Variants in FTCDNL1 observed in about 807,000 individuals in gnomAD.
FTCDNL1 encodes formiminotransferase N-terminal subdomain-containing protein.
A neutral mutation model predicts 5.9 loss-of-function variants in FTCDNL1; 11 were observed. The observed-to-expected ratio is 1.87, with a 90% CI of 1.18 to 3.10. FTCDNL1 has a LOEUF of 3.10. FTCDNL1 is among the 30% of genes most tolerant of loss of function. The pLI is 0.00. For synonymous variants in FTCDNL1, 58 were observed against 24.8 expected, an observed-to-expected ratio of 2.34 and a Z score of -3.99; for missense variants, 115 against 65.5, an observed-to-expected ratio of 1.76 and a Z score of -2.61.
At chr2:199,713,572 T>G in the FTCDNL1 span, among the ~76,000 whole-genome samples, 1 of 152,222 alleles carries the variant, frequency 6.6e-6, no homozygotes, top group African/African-American at 2.4e-5. Flanking sequence ...CTTGTTTGTG[T>G]ATTTTAAAGT....
At chr2:199,721,793 T>C in the FTCDNL1 span, among the ~76,000 whole-genome samples, 2 of 152,200 alleles carry the variant, frequency 1.3e-5, no homozygotes, top group African/African-American at 4.8e-5. Context: ...ATCTGTTGTT[T>C]CTTGACTATT....
At chr2:199,687,232 A>G in the FTCDNL1 span, among the ~76,000 whole-genome samples, 1 of 152,198 alleles carries the variant, frequency 6.6e-6, no homozygotes, top group Non-Finnish European at 1.5e-5. Flanking sequence ...ACTGTTCTTA[A>G]TTTTGATCAG....
At chr2:199,667,569 G>A in the FTCDNL1 span, among the ~76,000 whole-genome samples, 7 of 152,176 alleles carry the variant, frequency 4.6e-5, no homozygotes, top group Admixed American at 1.3e-4. Flanking sequence ...CTGGGAGGTC[G>A]AGGCTTCAGT....
At chr2:199,707,544 A>T in the FTCDNL1 span, among the ~76,000 whole-genome samples, 1 of 151,258 alleles carries the variant, frequency 6.6e-6, no homozygotes, top group Admixed American at 6.6e-5. Flanking sequence ...CCTTATATTG[A>T]TAATTTGGTT....
chr2:199,779,374 C>G (rs1299958488), intron 3 of FTCDNL1, among the ~76,000 whole-genome samples: 1 of 152,196 alleles, frequency 6.6e-6, no homozygotes, highest in African/African-American at 2.4e-5. Flanking sequence ...ACAATTATTT[C>G]ATACAGAAGA....
exon 4 of FTCDNL1, chr2:199,760,672 T>C: frequency 1.6e-6 from 1 of 606,244 alleles, no homozygotes. Flanking sequence ...ATTCTGGGTA[T>C]GGTATAATTT....
the FTCDNL1 span, among the ~76,000 whole-genome samples, chr2:199,702,316 C>T: frequency 1.3e-5 from 2 of 152,064 alleles, no homozygotes; most frequent in African/African-American, 4.8e-5. Context: ...AATAATATTT[C>T]CACCAAAGTC....
intron 4 of FTCDNL1, among the ~76,000 whole-genome samples, chr2:199,813,912 C>CAAAAAAAAA (rs397987315): frequency 4.7e-5 from 5 of 106,384 alleles, no homozygotes; most frequent in African/African-American, 7.5e-5. Context: ...GACTCTGTCT[C>CAAAAAAAAA]AAAAAAAAAA....
chr2:199,821,631 A>G (rs984240665), intron 3 of FTCDNL1, among the ~76,000 whole-genome samples: 2 of 147,590 alleles, frequency 1.4e-5, no homozygotes, highest in Non-Finnish European at 3.0e-5. Context: ...CACCTGGTTA[A>G]TTTTTGTATT....
intron 3 of FTCDNL1, among the ~76,000 whole-genome samples, chr2:199,765,666 C>T (rs11692783): frequency 0.41 from 61,041 of 148,576 alleles, 15,053 homozygotes; most frequent in East Asian, 0.58. Context: ...CTCAACCTCC[C>T]GAGTAGCTGG....
rs1012426172 is a variant in FTCDNL1, at chr2:199,809,380, C to T, written c.*3325G>A. ...TGCTGGGATTACAGGAATGAGCCACCACACCCAGCCAAACTCTTTATTTTT... is the reference window on the plus strand; with the variant it reads ...TGCTGGGATTACAGGAATGAGCCACTACACCCAGCCAAACTCTTTATTTTT... On this transcript the variant is annotated 3_prime_UTR_variant, in exon 5 of 5. Transcript: ENST00000420128. 1.3e-5 allele frequency among the ~76,000 whole-genome samples: 2 copies of T among 151,902 alleles called. No individual in the cohort carries two copies. Among genetic ancestry groups the T allele is most frequent in the African/African-American group, 2.4e-5 (1 of 41,352 alleles).
At chr2:199,762,107 G>A (rs1185540165) in intron 3 of FTCDNL1, among the ~76,000 whole-genome samples, 2 of 152,194 alleles carry the variant, frequency 1.3e-5, no homozygotes, top group African/African-American at 4.8e-5. Context: ...ATGGCCGGGT[G>A]TGGTGGCTCA....
chr2:199,675,012 G>A, the FTCDNL1 span, among the ~76,000 whole-genome samples: 1 of 152,214 alleles, frequency 6.6e-6, no homozygotes, highest in South Asian at 2.1e-4. Flanking sequence ...CATTGCAGAA[G>A]AAAGTTGGTT....
At chr2:199,746,951 T>C in the FTCDNL1 span, among the ~76,000 whole-genome samples, 1 of 151,648 alleles carries the variant, frequency 6.6e-6, no homozygotes, top group East Asian at 1.9e-4. Flanking sequence ...AGATTCAGAG[T>C]GAGGTTCTCG....
At chr2:199,826,153 A>G (rs1241965248) in intron 3 of FTCDNL1, among the ~76,000 whole-genome samples, 1 of 152,184 alleles carries the variant, frequency 6.6e-6, no homozygotes, top group Non-Finnish European at 1.5e-5. Flanking sequence ...GCACTGCCTA[A>G]GTTTATATAG....
At chr2:199,764,685 C>T (rs1443059738) in intron 3 of FTCDNL1, among the ~76,000 whole-genome samples, 1 of 152,156 alleles carries the variant, frequency 6.6e-6, no homozygotes, top group African/African-American at 2.4e-5. Flanking sequence ...CCAGCGAAAT[C>T]GGAGGACTCT....
the FTCDNL1 span, among the ~76,000 whole-genome samples, chr2:199,679,600 C>A: frequency 3.3e-5 from 5 of 151,716 alleles, no homozygotes; most frequent in Admixed American, 3.3e-4. Context: ...GCTTTTATCT[C>A]CCATGGTGAT....
the FTCDNL1 span, among the ~76,000 whole-genome samples, chr2:199,713,315 T>A: frequency 1.3e-5 from 2 of 149,164 alleles, no homozygotes; most frequent in Admixed American, 1.3e-4. Flanking sequence ...AAATGAAACA[T>A]TTTTTTTTGA....
rs568144191 is a variant in FTCDNL1 at position 199,783,970 on chromosome 2, G to A, written c.212-23135C>T. Among the ~76,000 whole-genome samples, 19 of 152,278 alleles carry A rather than the reference G, an allele frequency of 1.2e-4. No individual in the cohort carries two copies. In the South Asian group the frequency reaches 3.7e-3, roughly 30 times the overall value. ...GGATTCAAGATTCAAGATGATAAGT[G>A]CATCATTCCACATGTCCCTATTTCA... On this transcript the variant is annotated intron_variant, in intron 3 of 3. Coordinates refer to the FTCDNL1 transcript ENST00000416668.
Sources: gnomAD v4.1 joint callset for allele counts (sites outside exome capture counted in the v4.1 genomes callset) on GRCh38, gnomAD v4.1.1 for gene constraint, MANE v1.5 for transcripts, NCBI Gene and HGNC (gene_info 2026-07-23, HGNC 2026-07-21) for gene names.